ARFGEF1: variants seen among roughly 807,000 people sequenced by gnomAD.
The protein encoded by ARFGEF1 is brefeldin A-inhibited guanine nucleotide-exchange protein 1.
In ARFGEF1, 42 loss-of-function variants were observed where a neutral mutation model predicts 231.0. The observed-to-expected ratio is 0.18, with a 90% confidence interval of 0.14 to 0.24. ARFGEF1 has a LOEUF of 0.24. ARFGEF1 is among the 10% of genes least tolerant of loss of function. The pLI is 1.00. For missense variants in ARFGEF1, 1,345 were observed against 2,192.0 expected (o/e 0.61, Z 7.72); for synonymous variants, 710 against 732.3 (o/e 0.97, Z 0.49).
chr8:67,311,176 C>T (rs1415257180), intron 1 of ARFGEF1, among the ~76,000 whole-genome samples: 3 of 149,160 alleles, frequency 2.0e-5, no homozygotes, highest in Admixed American at 6.6e-5. Context: ...TCTGCCCGGC[C>T]GCCCCCACTG....
chr8:67,311,690 G>T (rs1393873763), intron 1 of ARFGEF1, among the ~76,000 whole-genome samples: 1 of 152,186 alleles, frequency 6.6e-6, no homozygotes, highest in Non-Finnish European at 1.5e-5. Context: ...GCCCCTACTG[G>T]GAAGTGAAGA....
At position 67,343,594 on chromosome 8, in the gene ARFGEF1, C is replaced by T; in HGVS notation, c.-307G>A. On this transcript the variant is annotated 5_prime_UTR_variant, in exon 1 of 39. Coordinates refer to ENST00000262215, the MANE Select transcript of ARFGEF1 (RefSeq NM_006421.5). ...GCCCCTCTCACTCGTCCCTCCGGCCCTGGTGGCGGTGAGGGAGCCCGGCCC... is the reference window on the plus strand; with the variant it reads ...GCCCCTCTCACTCGTCCCTCCGGCCTTGGTGGCGGTGAGGGAGCCCGGCCC... 2 of 1,071,994 alleles carry T rather than the reference C, an allele frequency of 1.9e-6. No individual in the cohort carries two copies. Among genetic ancestry groups the T allele is most frequent in the Non-Finnish European group, 2.3e-6 (2 of 886,216 alleles). 66.4% of individuals were successfully genotyped at this position (1,071,994 alleles called of 1,614,324 possible).
At chr8:67,303,856 T>C (rs1373440233) in intron 1 of ARFGEF1, among the ~76,000 whole-genome samples, 1 of 152,212 alleles carries the variant, frequency 6.6e-6, no homozygotes. Context: ...TTACATAGAC[T>C]ATTACACTTT....
chr8:67,327,070 CTA>C, intron 1 of ARFGEF1, among the ~76,000 whole-genome samples: 1 of 152,278 alleles, frequency 6.6e-6, no homozygotes, highest in Admixed American at 6.5e-5. Context: ...CCTGTGTTCA[CTA>C]TGAGGTTGAC....
chr8:67,304,396 T>C (rs1242138113), intron 1 of ARFGEF1, among the ~76,000 whole-genome samples: 1 of 152,236 alleles, frequency 6.6e-6, no homozygotes, highest in Non-Finnish European at 1.5e-5. Flanking sequence ...AGGCAGATAG[T>C]ATAAAAATAT....
rs766127897 is a variant in ARFGEF1, at chr8:67,296,623, A to T, written c.460-13T>A. The T allele has an allele frequency of 2.0e-5, 31 of 1,565,148 alleles. No homozygotes were observed. In the East Asian group the frequency reaches 6.1e-4, roughly 31 times the overall value. ...CAGTAAGTAAAGCCTTTAAGAAAAA[A>T]AAAGGAAAAAGTTAAAGAGATTTTC... On this transcript the variant is annotated splice_polypyrimidine_tract_variant and intron_variant, in intron 4 of 38. Transcript: ENST00000262215.
At chr8:67,210,737 C>T (rs1838704728) in intron 34 of ARFGEF1, among the ~76,000 whole-genome samples, 1 of 152,090 alleles carries the variant, frequency 6.6e-6, no homozygotes, top group South Asian at 2.1e-4. Flanking sequence ...AGAGGATGTC[C>T]AAATTAGGAT....
Position 67,184,739 on chromosome 8 carries a change from AAAAATAT to A in ARFGEF1, c.561-9174_561-9168del, listed in dbSNP as rs547375522. Among the ~76,000 whole-genome samples the A allele has an allele frequency of 8.3e-4, 115 of 139,188 alleles. 1 individual carries two copies. Among genetic ancestry groups the A allele is most frequent in the African/African-American group, 3.1e-3 (108 of 35,264 alleles). The allele number at this position is 139,188 out of a possible 152,430, so 91.3% of individuals were successfully genotyped here. On this transcript the variant is annotated intron_variant, in intron 5 of 5. Coordinates refer to the ARFGEF1 transcript ENST00000518789. ...ATTCTGTCTAAAAAAATAATAATAAAAAAATATAATAATAATAATAATAATAATAAAG... is the reference window on the plus strand; with the variant it reads ...ATTCTGTCTAAAAAAATAATAATAAAAATAATAATAATAATAATAATAAAG...
At chr8:67,311,943 A>G in intron 1 of ARFGEF1, among the ~76,000 whole-genome samples, 1 of 152,104 alleles carries the variant, frequency 6.6e-6, no homozygotes, top group Non-Finnish European at 1.5e-5. Flanking sequence ...CTTACCCCCA[A>G]CCCTGTGCTC....
chr8:67,265,394 T>C (rs942886280), intron 14 of ARFGEF1, among the ~76,000 whole-genome samples: 4 of 152,036 alleles, frequency 2.6e-5, no homozygotes, highest in Non-Finnish European at 5.9e-5. Flanking sequence ...TTTTTCCTTA[T>C]GGCATCTCTT....
Position 67,198,201 on chromosome 8 carries a change from G to GT in ARFGEF1, c.*732dup, listed in dbSNP as rs143865582. The GT allele has an allele frequency of 1.4e-5, 14 of 985,628 alleles. No individual in the cohort carries two copies. In the African/African-American group the frequency reaches 2.4e-4, roughly 17 times the overall value. The allele number at this position is 985,628 out of a possible 1,614,324, so 61.1% of individuals were successfully genotyped here. ...GTCGGCCACAACAGCTTCTGGGCATGTTACAGCCTCAAAATCACCACCTAC... is the reference window on the plus strand; with the variant it reads ...GTCGGCCACAACAGCTTCTGGGCATGTTTACAGCCTCAAAATCACCACCTAC... On this transcript the variant is annotated 3_prime_UTR_variant, in exon 39 of 39. Transcript: ENST00000262215.
chr8:67,256,715 A>C (rs1036611788), intron 17 of ARFGEF1, among the ~76,000 whole-genome samples: 1 of 152,222 alleles, frequency 6.6e-6, no homozygotes, highest in Non-Finnish European at 1.5e-5. Flanking sequence ...AAAAAATACT[A>C]AAACTTTAAA....
At position 67,218,106 on chromosome 8, in the gene ARFGEF1, A is replaced by G. The variant is rs962317733; in HGVS notation, c.4371T>C (p.His1457=). The G allele has an allele frequency of 2.6e-6, 4 of 1,542,978 alleles. No homozygotes were observed. Among genetic ancestry groups the G allele is most frequent in the Non-Finnish European group, 2.6e-6 (3 of 1,142,734 alleles). Residue 1457 remains histidine (H), a synonymous_variant, in exon 31 of 39, where the codon CAT becomes CAC. Transcript: ENST00000262215. ...KAEWMTTTCN[H]ALYAICDVFT... is the part of the protein sequence containing the mutation. Reference sequence around the variant, plus strand: ...ATACATCACAGATTGCATAAAGTGCATGATTGCAAGTTGTTGTCATCCATT... The same window carrying G: ...ATACATCACAGATTGCATAAAGTGCGTGATTGCAAGTTGTTGTCATCCATT...
At position 67,343,344 on chromosome 8, in the gene ARFGEF1, G is replaced by C; in HGVS notation, c.-57C>G. The C allele has an allele frequency of 1.3e-6, 2 of 1,589,436 alleles. No homozygotes were observed. The highest frequency in any genetic ancestry group is 8.6e-7 in the Non-Finnish European group (1 of 1,166,118). On this transcript the variant is annotated 5_prime_UTR_variant, in exon 1 of 39. Coordinates refer to ENST00000262215, the MANE Select transcript of ARFGEF1 (RefSeq NM_006421.5). ...ACCCGCGGCTCCCAGCGGCTGGAGG[G>C]GAGGAGGAGGAGAGGAAGGAAGAGA...
At chr8:67,280,348 ATTTGTTTAG>A (rs1052965023) in intron 7 of ARFGEF1, among the ~76,000 whole-genome samples, 1 of 152,210 alleles carries the variant, frequency 6.6e-6, no homozygotes, top group Non-Finnish European at 1.5e-5. Context: ...AAAGTAGATT[ATTTGTTTAG>A]TAGGTCTCCT....
chr8:67,291,768 C>A (rs1256378648), intron 6 of ARFGEF1, 79 bp downstream of exon 6: 4 of 1,507,918 alleles, frequency 2.7e-6, no homozygotes, highest in Non-Finnish European at 3.6e-6. Flanking sequence ...ATTATCCTTT[C>A]AACATTTCTT....
intron 35 of ARFGEF1, among the ~76,000 whole-genome samples, chr8:67,204,184 T>TTC (rs142381896): frequency 7.9e-5 from 12 of 151,852 alleles, no homozygotes; most frequent in African/African-American, 1.5e-4. Flanking sequence ...ACATTCTCTC[T>TTC]TCTCTCTCTC....
rs369773322 is a variant in ARFGEF1, at chr8:67,240,174, A to T, written c.2967T>A (p.Ile989=). ...GIRCAIRIAC[I]FSIQLERDAY... Reference sequence around the variant, plus strand: ...AATTCTCTGTTACCTGAATGCTGAAAATGCATGCAATTCTGATTGCACATC... The same window carrying T: ...AATTCTCTGTTACCTGAATGCTGAATATGCATGCAATTCTGATTGCACATC... The change falls in exon 20 of 39, where the codon ATT becomes ATA. Residue 989 remains isoleucine (I), a synonymous_variant. Transcript: ENST00000262215. 1 of 1,608,702 alleles carries T rather than the reference A, an allele frequency of 6.2e-7. No individual in the cohort carries two copies. The highest frequency in any genetic ancestry group is 8.5e-7 in the Non-Finnish European group (1 of 1,178,870).
intron 9 of ARFGEF1, among the ~76,000 whole-genome samples, chr8:67,274,169 T>A (rs949102034): frequency 6.6e-6 from 1 of 152,058 alleles, no homozygotes. Flanking sequence ...AGGCTGGAAA[T>A]TTCAGGTCTG....
Sources: gnomAD v4.1 joint callset for allele counts (sites outside exome capture counted in the v4.1 genomes callset) on GRCh38, gnomAD v4.1.1 for gene constraint, MANE v1.5 for transcripts, NCBI Gene and HGNC (gene_info 2026-07-23, HGNC 2026-07-21) for gene names.